The following CFAP61 variants were observed in gnomAD, a reference collection of about 807,000 sequenced individuals.
The protein encoded by CFAP61 is cilia and flagella associated protein 61.
CFAP61 carries 107 observed loss-of-function variants against 135.6 expected under a neutral mutation model. The observed-to-expected ratio is 0.79, with a 90% CI of 0.67 to 0.93. CFAP61 has a LOEUF of 0.93. CFAP61 is among the 40% of genes least tolerant of loss of function. CFAP61 has a pLI of 0.00. For synonymous variants in CFAP61, 575 were observed against 578.5 expected (o/e 0.99, Z 0.09); for missense variants, 1,507 against 1,556.2 (o/e 0.97, Z 0.53).
intron 26 of CFAP61, among the ~76,000 whole-genome samples, chr20:20,344,559 C>A (rs1016064059): frequency 4.6e-5 from 7 of 152,230 alleles, no homozygotes; most frequent in African/African-American, 1.7e-4. Context: ...AACATCATCT[C>A]ACCCCAGTGA....
At chr20:20,130,431 T>C (rs927415491) in intron 8 of CFAP61, among the ~76,000 whole-genome samples, 2 of 151,868 alleles carry the variant, frequency 1.3e-5, no homozygotes, top group African/African-American at 4.9e-5. Flanking sequence ...GTTCCATGTT[T>C]CCTGATGTTT....
At chr20:20,090,241 T>C (rs766232286) in intron 6 of CFAP61, among the ~76,000 whole-genome samples, 1 of 152,220 alleles carries the variant, frequency 6.6e-6, no homozygotes, top group Non-Finnish European at 1.5e-5. Context: ...TTCTTCCCTT[T>C]CTGTTCATTC....
At chr20:20,215,293 T>C (rs2047971258) in intron 17 of CFAP61, 1 of 152,150 alleles carries the variant, frequency 6.6e-6, no homozygotes, top group Non-Finnish European at 1.5e-5. Flanking sequence ...AATAATTAGT[T>C]CCCACGCAGG....
intron 26 of CFAP61, among the ~76,000 whole-genome samples, chr20:20,345,056 T>A (rs952371761): frequency 6.6e-6 from 1 of 152,132 alleles, no homozygotes; most frequent in African/African-American, 2.4e-5. Context: ...AAAAATAAAA[T>A]TTAACTCTTG....
intron 26 of CFAP61, among the ~76,000 whole-genome samples, chr20:20,350,911 G>T (rs1361504691): frequency 2.0e-5 from 3 of 152,112 alleles, no homozygotes; most frequent in African/African-American, 7.2e-5. Context: ...TTTCATGATT[G>T]AAAATAAAAA....
At chr20:20,075,891 G>A (rs2046015518) in intron 6 of CFAP61, among the ~76,000 whole-genome samples, 1 of 152,080 alleles carries the variant, frequency 6.6e-6, no homozygotes, top group Non-Finnish European at 1.5e-5. Flanking sequence ...TCCCACACCA[G>A]TAAGATAACT....
chr20:20,117,083 C>G (rs1056314431), intron 8 of CFAP61, among the ~76,000 whole-genome samples: 1 of 152,164 alleles, frequency 6.6e-6, no homozygotes, highest in East Asian at 1.9e-4. Context: ...TAGCCAGGCA[C>G]AGTGGCTCAC....
intron 25 of CFAP61, among the ~76,000 whole-genome samples, chr20:20,300,203 G>T (rs539265132): frequency 1.3e-5 from 2 of 152,248 alleles, no homozygotes; most frequent in South Asian, 4.2e-4. Context: ...ACTTGCTGAT[G>T]ATAATAAATG....
In CFAP61 at chr20:20,353,012, A is replaced by G. The variant is rs190496215; in HGVS notation, c.3514-7198A>G. On this transcript the variant is annotated intron_variant, in intron 26 of 26. Transcript: ENST00000245957. The stretch of plus-strand genomic sequence containing the variant: ...CAACTATATAACTCACTAACTCACT[A>G]ACTAACAGGAAACAACTCACTAACA... Among the ~76,000 whole-genome samples the G allele has an allele frequency of 2.6e-5, 4 of 152,272 alleles. No individual in the cohort carries two copies. In the East Asian group the frequency reaches 7.7e-4, roughly 29 times the overall value.
chr20:20,162,369 C>A (rs566977253), intron 10 of CFAP61, among the ~76,000 whole-genome samples: 1 of 152,258 alleles, frequency 6.6e-6, no homozygotes, highest in Admixed American at 6.5e-5. Flanking sequence ...CCACAGTCCT[C>A]AATACAGAAT....
rs182589098 is a variant in CFAP61 at position 20,067,484 on chromosome 20, A to C, written c.144-3370A>C. ...TGGTGAAACCTTGTCTCTACTAAAA[A>C]TACAAAAATTAGCTGGACGTTGTGG... On this transcript the variant is annotated intron_variant, in intron 2 of 26. Coordinates refer to ENST00000245957, the MANE Select transcript of CFAP61 (RefSeq NM_015585.4). Among the ~76,000 whole-genome samples, 549 of 151,624 alleles carry C rather than the reference A, an allele frequency of 3.6e-3. 4 individuals are homozygous for C. The highest frequency in any genetic ancestry group is 0.013 in the African/African-American group (531 of 41,366).
intron 7 of CFAP61, among the ~76,000 whole-genome samples, chr20:20,097,051 T>C (rs2047629535): frequency 6.6e-6 from 1 of 152,042 alleles, no homozygotes; most frequent in Non-Finnish European, 1.5e-5. Flanking sequence ...ACAAATGATT[T>C]TTAACTGGGA....
intron 21 of CFAP61, among the ~76,000 whole-genome samples, chr20:20,269,184 CACACATATATACATATATGTATATAT>C (rs1449883825): frequency 2.8e-4 from 24 of 84,254 alleles, no homozygotes; most frequent in East Asian, 2.0e-3. Flanking sequence ...TGTATATACA[CACACATATATACATATATGTATATAT>C]ACACATATAT....
chr20:20,283,927 G>A (rs547508880), intron 22 of CFAP61, among the ~76,000 whole-genome samples: 39 of 152,326 alleles, frequency 2.6e-4, no homozygotes, highest in African/African-American at 8.7e-4. Context: ...CACTGAGCAT[G>A]ATCTCCCTGT....
chr20:20,276,817 A>G (rs1347400645), intron 21 of CFAP61, among the ~76,000 whole-genome samples: 2 of 152,244 alleles, frequency 1.3e-5, no homozygotes, highest in Admixed American at 6.5e-5. Context: ...ACTAGTATAC[A>G]TTGCCAACAT....
chr20:20,188,021 G>T lies in CFAP61; in HGVS notation c.1477G>T (p.Asp493Tyr). ...TLMLNKSILE[D>Y]LDRYNKARKD... ...CATGTTGAATAAAAGCATATTGGAG[G>T]ACTTAGACCGTTACAACAAGGCTCG... Residue 493 changes from aspartate to tyrosine, a missense_variant, in exon 14 of 27, where the codon GAC (aspartate) becomes TAC (tyrosine). Asp to Tyr is a radical substitution (Grantham distance 160). Coordinates refer to ENST00000245957, the MANE Select transcript of CFAP61 (RefSeq NM_015585.4). 6.2e-7 allele frequency: 1 copy of T among 1,614,148 alleles called. No homozygotes were observed. The highest frequency in any genetic ancestry group is 8.5e-7 in the Non-Finnish European group (1 of 1,179,986).
chr20:20,346,422 G>C lies in CFAP61; in HGVS notation c.3513+4501G>C, dbSNP rs1163093747. ...AGTCCCAGCTACCCGGGAGGCTGAGGTAGGAGATTTGCTTGAACCTGGGAG... is the reference window on the plus strand; with the variant it reads ...AGTCCCAGCTACCCGGGAGGCTGAGCTAGGAGATTTGCTTGAACCTGGGAG... On this transcript the variant is annotated intron_variant, in intron 26 of 26. Transcript: ENST00000245957. 2.0e-5 allele frequency among the ~76,000 whole-genome samples: 3 copies of C among 149,772 alleles called. No homozygotes were observed. In the East Asian group the frequency reaches 6.0e-4, roughly 30 times the overall value.
At chr20:20,157,745 T>C (rs1351687631) in intron 9 of CFAP61, among the ~76,000 whole-genome samples, 2 of 152,112 alleles carry the variant, frequency 1.3e-5, no homozygotes, top group African/African-American at 4.8e-5. Flanking sequence ...AAAAGCACAA[T>C]ACATAAAAGA....
At chr20:20,295,589 G>T (rs2055365197) in intron 24 of CFAP61, among the ~76,000 whole-genome samples, 1 of 152,104 alleles carries the variant, frequency 6.6e-6, no homozygotes, top group Admixed American at 6.5e-5. Context: ...AAACTCAAAT[G>T]GTCTTTCAAG....
Sources: allele counts gnomAD v4.1 joint callset (sites outside exome capture counted in the v4.1 genomes callset), GRCh38; gene constraint gnomAD v4.1.1; transcripts MANE v1.5; gene names NCBI Gene and HGNC (gene_info 2026-07-23, HGNC 2026-07-21).